Variants in STARD3 observed in about 807,000 individuals in gnomAD.
STARD3 encodes StAR related lipid transfer domain containing 3.
A neutral mutation model predicts 62.0 loss-of-function variants in STARD3; 39 were observed. The observed-to-expected ratio is 0.63, with a 90% CI of 0.49 to 0.82. The LOEUF is 0.82. Ranked by LOEUF, STARD3 falls within the 40% of genes least tolerant of loss-of-function variation. The probability of loss-of-function intolerance (pLI) is 0.00; values close to 1 mark genes in which losing one functional copy is unlikely to be tolerated. For missense variants in STARD3, 543 were observed against 584.5 expected (o/e 0.93, Z 0.73); for synonymous variants, 229 against 242.4 (o/e 0.94, Z 0.51).
intron 1 of STARD3, among the ~76,000 whole-genome samples, chr17:39,638,147 A>G (rs1016864426): frequency 2.0e-5 from 3 of 152,166 alleles, no homozygotes; most frequent in Non-Finnish European, 4.4e-5. Context: ...AAAGTGACCT[A>G]GTACTGCCAA....
chr17:39,644,265 T>A (rs1479877164), intron 1 of STARD3, among the ~76,000 whole-genome samples: 1 of 152,160 alleles, frequency 6.6e-6, no homozygotes, highest in Non-Finnish European at 1.5e-5. Flanking sequence ...CTCTATGGAA[T>A]AAGCTCTAGC....
In STARD3 at chr17:39,653,677, T is replaced by C; in HGVS notation, c.146T>C (p.Val49Ala). 6.2e-7 allele frequency: 1 copy of C among 1,614,232 alleles called. No homozygotes were observed. The highest frequency in any genetic ancestry group is 1.3e-5 in the African/African-American group (1 of 75,068). Reference protein sequence around the residue: ...PPEKRRAISDVRRTFCLFVTF... With the variant: ...PPEKRRAISDARRTFCLFVTF... ...GAGAAGCGAAGGGCCATCTCTGATG[T>C]CCGCCGCACCTTCTGTCTCTTCGTC... Residue 49 changes from valine (V) to alanine (A), a missense_variant, in exon 2 of 15, where the codon GTC (valine) becomes GCC (alanine). Physicochemically the swap from Val to Ala is moderately conservative, Grantham distance 64. Coordinates refer to ENST00000336308, the MANE Select transcript of STARD3 (RefSeq NM_006804.4).
chr17:39,641,059 A>G (rs2056978912), intron 1 of STARD3, among the ~76,000 whole-genome samples: 1 of 152,166 alleles, frequency 6.6e-6, no homozygotes, highest in Non-Finnish European at 1.5e-5. Flanking sequence ...TGGGCCAGTA[A>G]CCCTGAATGT....
chr17:39,658,311 A>G (rs2057154749), intron 5 of STARD3, 94 bp from the exon 6 acceptor site: 3 of 1,174,580 alleles, frequency 2.6e-6, no homozygotes, highest in Non-Finnish European at 3.7e-6. Context: ...AATGGGGTGT[A>G]TGCCAGTTTG....
Position 39,653,654 on chromosome 17 carries a change from G to C in STARD3, c.123G>C (p.Glu41Asp), listed in dbSNP as rs765182185. 36 of 1,614,012 alleles carry C rather than the reference G, an allele frequency of 2.2e-5. No homozygotes were observed. The highest frequency in any genetic ancestry group is 2.9e-5 in the Non-Finnish European group (34 of 1,180,042). The stretch of plus-strand genomic sequence containing the variant: ...CCTCGCACCTCCTTCCGCCGCCTGA[G>C]AAGCGAAGGGCCATCTCTGATGTCC... ...SLSSHLLPPP[E>D]KRRAISDVRR... Residue 41 changes from glutamate (E) to aspartate (D), a missense_variant, in exon 2 of 15, where the codon GAG becomes GAC. Physicochemically the swap from Glu to Asp is conservative, Grantham distance 45. Transcript: ENST00000336308.
At chr17:39,638,729 A>G (rs1293460131) in intron 1 of STARD3, among the ~76,000 whole-genome samples, 1 of 152,206 alleles carries the variant, frequency 6.6e-6, no homozygotes, top group Non-Finnish European at 1.5e-5. Context: ...CAGTGCCTCA[A>G]TTTCCTCACT....
intron 2 of STARD3, 29 bp from the exon 3 acceptor site, chr17:39,656,979 G>T (rs763809412): frequency 8.7e-6 from 14 of 1,612,752 alleles, no homozygotes; most frequent in Non-Finnish European, 1.2e-5. Flanking sequence ...GCTTCTACCT[G>T]CAGAGCTCTT....
intron 1 of STARD3, among the ~76,000 whole-genome samples, chr17:39,649,086 A>G (rs1192002183): frequency 6.6e-6 from 1 of 152,194 alleles, no homozygotes; most frequent in Non-Finnish European, 1.5e-5. Context: ...GGGAGTGGAG[A>G]GAAAGACTCA....
intron 1 of STARD3, among the ~76,000 whole-genome samples, chr17:39,648,244 G>A (rs1049819757): frequency 2.0e-5 from 3 of 152,066 alleles, no homozygotes; most frequent in Non-Finnish European, 4.4e-5. Flanking sequence ...CCTAGATCGC[G>A]CCACTGCACT....
intron 1 of STARD3, among the ~76,000 whole-genome samples, chr17:39,640,001 A>G (rs2056969100): frequency 6.6e-6 from 1 of 152,116 alleles, no homozygotes; most frequent in South Asian, 2.1e-4. Context: ...ACAGCATGGT[A>G]TTATTTATCT....
intron 1 of STARD3, among the ~76,000 whole-genome samples, chr17:39,639,987 G>A (rs2056968901): frequency 6.6e-6 from 1 of 152,156 alleles, no homozygotes. Flanking sequence ...TGAAAGCGCT[G>A]ATCACAGCAT....
At chr17:39,649,283 C>T (rs1597791860) in intron 1 of STARD3, among the ~76,000 whole-genome samples, 1 of 152,188 alleles carries the variant, frequency 6.6e-6, no homozygotes. Context: ...AGCAATACCA[C>T]TTCTAGGAAT....
intron 2 of STARD3, 135 bp downstream of exon 2, chr17:39,653,885 C>T: frequency 1.0e-6 from 1 of 966,816 alleles, no homozygotes. Flanking sequence ...GGAGGAACAA[C>T]AGGGGTTCTC....
intron 5 of STARD3, 164 bp from the exon 6 acceptor site, chr17:39,658,241 G>A (rs1231482039): frequency 1.2e-6 from 1 of 833,030 alleles, no homozygotes; most frequent in Non-Finnish European, 1.9e-6. Flanking sequence ...TCTTTCTCCA[G>A]CCTAACCCCA....
chr17:39,648,615 C>T (rs895432340), intron 1 of STARD3, among the ~76,000 whole-genome samples: 1 of 152,134 alleles, frequency 6.6e-6, no homozygotes, highest in South Asian at 2.1e-4. Flanking sequence ...TGGGCCAGTG[C>T]TCTGCCTACT....
chr17:39,641,086 G>T (rs2056979132), intron 1 of STARD3, among the ~76,000 whole-genome samples: 2 of 152,194 alleles, frequency 1.3e-5, no homozygotes, highest in African/African-American at 4.8e-5. Context: ...CTAGCCAGGC[G>T]CAGTGGTGCA....
Position 39,663,306 on chromosome 17 carries a change from C to T in STARD3, c.*398C>T, listed in dbSNP as rs1369156378. The T allele has an allele frequency of 7.9e-6, 3 of 382,110 alleles. No individual in the cohort carries two copies. Among genetic ancestry groups the T allele is most frequent in the Admixed American group, 9.0e-5 (2 of 22,100 alleles). The allele number at this position is 382,110 out of a possible 1,614,324, so 23.7% of individuals were successfully genotyped here. A position where few individuals can be genotyped will look rare whatever the true frequency, so the allele number is the denominator to read the frequency against. ...GCTCTTCATCTGCCTGCGCTCTCGT[C>T]GGTTTTTTTAGGATTATTGAAAGAG... On this transcript the variant is annotated 3_prime_UTR_variant, in exon 15 of 15. Coordinates refer to ENST00000336308, the MANE Select transcript of STARD3 (RefSeq NM_006804.4).
intron 1 of STARD3, among the ~76,000 whole-genome samples, chr17:39,640,167 G>A (rs970489009): frequency 2.6e-5 from 4 of 152,182 alleles, no homozygotes; most frequent in South Asian, 2.1e-4. Flanking sequence ...AAGGGAGAGC[G>A]GTGCGGGGGA....
At chr17:39,651,236 C>G (rs771729615) in intron 1 of STARD3, among the ~76,000 whole-genome samples, 38 of 152,198 alleles carry the variant, frequency 2.5e-4, no homozygotes, top group Non-Finnish European at 1.9e-4. Flanking sequence ...TGGGGGCTTG[C>G]ACAGGGGCAG....
Sources: allele counts gnomAD v4.1 joint callset (sites outside exome capture counted in the v4.1 genomes callset), GRCh38; gene constraint gnomAD v4.1.1; transcripts MANE v1.5; gene names NCBI Gene and HGNC (gene_info 2026-07-23, HGNC 2026-07-21).